OSBPL8: variants seen among roughly 807,000 people sequenced by gnomAD.
The protein encoded by OSBPL8 is oxysterol binding protein like 8, also known as oxysterol-binding protein-related protein 8.
A neutral mutation model predicts 125.5 loss-of-function variants in OSBPL8; 59 were observed. That is an observed-to-expected ratio of 0.47 (90% CI 0.38 to 0.58). The LOEUF (loss-of-function observed/expected upper bound fraction) is 0.58. Ranked by LOEUF, OSBPL8 falls within the 20% of genes least tolerant of loss-of-function variation. The probability of loss-of-function intolerance (pLI) is 0.00; values close to 1 mark genes in which losing one functional copy is unlikely to be tolerated. For synonymous variants in OSBPL8, 330 were observed against 338.9 expected (o/e 0.97, Z 0.29); for missense variants, 758 against 1,047.8 (o/e 0.72, Z 3.82).
intron 2 of OSBPL8, among the ~76,000 whole-genome samples, chr12:76,465,848 A>G (rs1875355521): frequency 6.6e-6 from 1 of 152,030 alleles, no homozygotes; most frequent in Non-Finnish European, 1.5e-5. Flanking sequence ...TCTACCAAAA[A>G]TATAAAAATT....
At chr12:76,477,745 C>T (rs1327288176) in intron 2 of OSBPL8, among the ~76,000 whole-genome samples, 3 of 152,048 alleles carry the variant, frequency 2.0e-5, no homozygotes, top group Non-Finnish European at 4.4e-5. Context: ...ACATGTACCA[C>T]ACTAATATAA....
chr12:76,410,531 G>A (rs377759754), intron 5 of OSBPL8, 33 bp downstream of exon 5: 3 of 1,459,832 alleles, frequency 2.1e-6, no homozygotes, highest in African/African-American at 2.8e-5. Context: ...TTAAGAATAT[G>A]TCATAATCAT....
chr12:76,394,832 A>C (rs191984370), intron 8 of OSBPL8, 103 bp from the exon 9 acceptor site: 1 of 769,380 alleles, frequency 1.3e-6, no homozygotes, highest in Non-Finnish European at 1.9e-6. Context: ...TCAGGTATGG[A>C]TTATAATCTA....
rs372541639 is a variant in OSBPL8 at position 76,421,304 on chromosome 12, C to T, written c.218-10670G>A. 3.9e-5 allele frequency among the ~76,000 whole-genome samples: 6 copies of T among 152,062 alleles called. No individual in the cohort carries two copies. In the East Asian group the frequency reaches 1.2e-3, roughly 29 times the overall value. On this transcript the variant is annotated intron_variant, in intron 4 of 23. Transcript: ENST00000261183. ...CTGAATGACAAACGACTAAAATTTA[C>T]ACCATTTAAAACATAAGAAAGACGC...
chr12:76,394,785 T>A, intron 8 of OSBPL8, 56 bp from the exon 9 acceptor site: 1 of 1,192,654 alleles, frequency 8.4e-7, no homozygotes, highest in Non-Finnish European at 1.2e-6. Flanking sequence ...TGAGATCTCA[T>A]CTTTACACTA....
chr12:76,465,534 T>C (rs1296598875), intron 2 of OSBPL8, among the ~76,000 whole-genome samples: 1 of 151,672 alleles, frequency 6.6e-6, no homozygotes, highest in Non-Finnish European at 1.5e-5. Context: ...CACTCCAGCC[T>C]GGGCGACAGA....
At chr12:76,364,580 C>T (rs1952337006) in intron 21 of OSBPL8, among the ~76,000 whole-genome samples, 1 of 152,118 alleles carries the variant, frequency 6.6e-6, no homozygotes, top group Non-Finnish European at 1.5e-5. Context: ...AGCAAACCAC[C>T]ATGGCACGTG....
chr12:76,435,705 C>T (rs994906187), intron 4 of OSBPL8, among the ~76,000 whole-genome samples: 1 of 151,856 alleles, frequency 6.6e-6, no homozygotes, highest in Non-Finnish European at 1.5e-5. Flanking sequence ...TCGTTCCAGG[C>T]AACAATACGA....
chr12:76,536,571 T>C (rs1027250374), intron 1 of OSBPL8, among the ~76,000 whole-genome samples: 3 of 152,022 alleles, frequency 2.0e-5, no homozygotes, highest in Admixed American at 6.6e-5. Context: ...CCATGGTAAG[T>C]GTTAAGGTGA....
intron 2 of OSBPL8, among the ~76,000 whole-genome samples, chr12:76,482,620 A>C (rs1218726636): frequency 2.0e-5 from 3 of 152,222 alleles, no homozygotes; most frequent in Non-Finnish European, 2.9e-5. Context: ...TTTCAAAAAA[A>C]AAAAATCAAG....
intron 4 of OSBPL8, among the ~76,000 whole-genome samples, chr12:76,446,964 T>TA (rs1565903736): frequency 6.6e-6 from 1 of 152,186 alleles, no homozygotes; most frequent in Non-Finnish European, 1.5e-5. Context: ...AGTAAACAAA[T>TA]ACCCACACAG....
At position 76,392,685 on chromosome 12, in the gene OSBPL8, G is replaced by A. The variant is rs1174328749; in HGVS notation, c.825C>T (p.Ile275=). The A allele has an allele frequency of 1.2e-6, 2 of 1,613,858 alleles. No homozygotes were observed. The highest frequency in any genetic ancestry group is 1.1e-5 in the South Asian group (1 of 91,072). ...KCSSLLKRTM[I]REGKEHDLSV... ...TCAGGTCATGTTCCTTTCCTTCTCTGATCATTGTACGTTTAAGAAGACTAG... is the reference window on the plus strand; with the variant it reads ...TCAGGTCATGTTCCTTTCCTTCTCTAATCATTGTACGTTTAAGAAGACTAG... Residue 275 remains isoleucine, a synonymous_variant, in exon 10 of 24, where the codon ATC becomes ATT. Coordinates refer to ENST00000261183, the MANE Select transcript of OSBPL8 (RefSeq NM_020841.5).
At chr12:76,444,729 TA>T (rs1160623770) in intron 4 of OSBPL8, among the ~76,000 whole-genome samples, 14 of 152,160 alleles carry the variant, frequency 9.2e-5, no homozygotes, top group Non-Finnish European at 2.1e-4. Flanking sequence ...TGGAGAGCTT[TA>T]TAAACACATT....
In OSBPL8 at chr12:76,452,041, TG is replaced by T. The variant is rs59596999; in HGVS notation, c.80-1054del. Among the ~76,000 whole-genome samples, 1,248 of 151,844 alleles carry T rather than the reference TG, an allele frequency of 8.2e-3. 15 individuals carry two copies. The highest frequency in any genetic ancestry group is 0.029 in the African/African-American group (1,186 of 41,376). ...CTGAGGCAGGAGAATCGCTTGAACC[TG>T]GGGGGCAGAGGTTGCAGTGAGCAGA... On this transcript the variant is annotated intron_variant, in intron 3 of 23. Transcript: ENST00000261183.
chr12:76,387,124 A>G (rs938726667), intron 12 of OSBPL8, among the ~76,000 whole-genome samples: 1 of 152,200 alleles, frequency 6.6e-6, no homozygotes, highest in Non-Finnish European at 1.5e-5. Flanking sequence ...TGAAGGACCA[A>G]TATTTACTTG....
At chr12:76,407,395 C>G (rs1021437644) in intron 5 of OSBPL8, among the ~76,000 whole-genome samples, 3 of 152,148 alleles carry the variant, frequency 2.0e-5, no homozygotes, top group African/African-American at 7.2e-5. Context: ...GGATCACAGG[C>G]ATGTGCCACC....
rs568623207 is a variant in OSBPL8, at chr12:76,542,845, A to C, written c.-68+16552T>G. Among the ~76,000 whole-genome samples, 5 of 152,254 alleles carry C rather than the reference A, an allele frequency of 3.3e-5. No homozygotes were observed. The East Asian group carries it at 9.6e-4, about 29-fold the overall frequency. ...TGATCCAGTCCCTACCTCCTATACC[A>C]CAATGTTATCTTTCTCATATTTTTT... On this transcript the variant is annotated intron_variant, in intron 1 of 23. Transcript: ENST00000261183.
chr12:76,418,589 G>A (rs924521323), intron 4 of OSBPL8, among the ~76,000 whole-genome samples: 4 of 152,108 alleles, frequency 2.6e-5, no homozygotes, highest in African/African-American at 4.8e-5. Context: ...TCAGCGCTTC[G>A]GGAGGCTGAA....
intron 4 of OSBPL8, among the ~76,000 whole-genome samples, chr12:76,447,162 T>TA (rs1872805895): frequency 6.6e-6 from 1 of 152,204 alleles, no homozygotes; most frequent in Non-Finnish European, 1.5e-5. Flanking sequence ...CATCTTTCAG[T>TA]AAAAAGTTGA....
Sources: gnomAD v4.1 joint callset for allele counts (sites outside exome capture counted in the v4.1 genomes callset) on GRCh38, gnomAD v4.1.1 for gene constraint, MANE v1.5 for transcripts, NCBI Gene and HGNC (gene_info 2026-07-23, HGNC 2026-07-21) for gene names.